Variants in RYR3 observed in about 807,000 individuals in gnomAD.
RYR3 encodes ryanodine receptor 3.
In RYR3, 207 loss-of-function variants were observed where a neutral mutation model predicts 584.3. That is an observed-to-expected ratio of 0.35 (90% CI 0.32 to 0.40). The LOEUF (loss-of-function observed/expected upper bound fraction) is 0.40, where lower values mean the gene tolerates loss of function less well. Among genes scored for constraint, RYR3 ranks in the 10% least tolerant of loss-of-function variants. RYR3 has a pLI of 1.00. For missense variants in RYR3, 5,616 were observed against 6,089.2 expected (o/e 0.92, Z 2.59); for synonymous variants, 2,416 against 2,248.5 (o/e 1.07, Z -2.11).
At chr15:33,553,246 A>G (rs547241951) in intron 10 of RYR3, among the ~76,000 whole-genome samples, 2 of 152,292 alleles carry the variant, frequency 1.3e-5, no homozygotes, top group South Asian at 4.1e-4. Flanking sequence ...GGCTTTAGTC[A>G]TGTGTTTTGG....
At position 33,652,904 on chromosome 15, in the gene RYR3, C is replaced by T. The variant is rs778741444; in HGVS notation, c.4308+21C>T. 15 of 1,594,674 alleles carry T rather than the reference C, an allele frequency of 9.4e-6. 1 individual carries two copies. In the South Asian group the frequency reaches 1.2e-4, roughly 13 times the overall value. ...ACCAGGTAAGGGCGGCTTCTGGGGCCGAAACAGGGCTATCCCAGGCCTGGT... is the reference window on the plus strand; with the variant it reads ...ACCAGGTAAGGGCGGCTTCTGGGGCTGAAACAGGGCTATCCCAGGCCTGGT... On this transcript the variant is annotated intron_variant, in intron 32 of 103. Coordinates refer to ENST00000634891, the MANE Select transcript of RYR3 (RefSeq NM_001036.6).
At chr15:33,697,181 G>A (rs533863407) in intron 39 of RYR3, among the ~76,000 whole-genome samples, 40 of 152,244 alleles carry the variant, frequency 2.6e-4, no homozygotes, top group African/African-American at 8.7e-4. Context: ...GCATACCAAA[G>A]GAGCATCACC....
At chr15:33,606,920 T>C (rs1348263877) in intron 18 of RYR3, among the ~76,000 whole-genome samples, 1 of 152,134 alleles carries the variant, frequency 6.6e-6, no homozygotes, top group Admixed American at 6.5e-5. Context: ...AAAATTGTGT[T>C]TCCTGATTTA....
intron 1 of RYR3, among the ~76,000 whole-genome samples, chr15:33,414,764 T>C (rs1020760466): frequency 4.6e-5 from 7 of 152,128 alleles, no homozygotes; most frequent in African/African-American, 1.7e-4. Flanking sequence ...GCTAATTTTT[T>C]TGTATTTTTA....
intron 39 of RYR3, among the ~76,000 whole-genome samples, chr15:33,696,930 T>A (rs1418729103): frequency 1.3e-5 from 2 of 152,152 alleles, no homozygotes; most frequent in African/African-American, 4.8e-5. Flanking sequence ...GAGATAACTT[T>A]CCCCTTAACA....
chr15:33,835,024 G>A lies in RYR3; in HGVS notation c.11520G>A (p.Val3840=), dbSNP rs373545863. 1 of 1,613,952 alleles carries A rather than the reference G, an allele frequency of 6.2e-7. No homozygotes were observed. Among genetic ancestry groups the A allele is most frequent in the Non-Finnish European group, 8.5e-7 (1 of 1,179,876 alleles). ...SLAHSRLWDA[V]VGFLHVFANM... ...CTCACAGCAGGCTGTGGGACGCAGTGGTTGGCTTCCTCCATGTCTTTGCTA... is the reference window on the plus strand; with the variant it reads ...CTCACAGCAGGCTGTGGGACGCAGTAGTTGGCTTCCTCCATGTCTTTGCTA... The change falls in exon 87 of 104, where the codon GTG becomes GTA. Residue 3840 remains valine, a synonymous_variant. Coordinates refer to ENST00000634891, the MANE Select transcript of RYR3 (RefSeq NM_001036.6).
Position 33,800,815 on chromosome 15 carries a change from C to T in RYR3, c.9876C>T (p.Phe3292=). Residue 3292 remains phenylalanine, a synonymous_variant, in exon 68 of 104, where the codon TTC becomes TTT. Transcript: ENST00000634891. Reference sequence around the variant, plus strand: ...CTGATGCTGATTCTGACCAGCTCTTCCGCATGGTGGCAGAAGTCTTCATTC... The same window carrying T: ...CTGATGCTGATTCTGACCAGCTCTTTCGCATGGTGGCAGAAGTCTTCATTC... The part of the protein sequence containing the change: ...KSPDADSDQL[F]RMVAEVFILW... 2 of 1,613,838 alleles carry T rather than the reference C, an allele frequency of 1.2e-6. No individual in the cohort carries two copies. Among genetic ancestry groups the T allele is most frequent in the African/African-American group, 1.3e-5 (1 of 75,036 alleles).
intron 67 of RYR3, among the ~76,000 whole-genome samples, chr15:33,793,964 G>T (rs2075329709): frequency 8.0e-6 from 1 of 124,636 alleles, no homozygotes; most frequent in African/African-American, 2.8e-5. Flanking sequence ...ATTTATTTAT[G>T]TAAATGTATA....
intron 27 of RYR3, among the ~76,000 whole-genome samples, chr15:33,639,118 G>C (rs2061658907): frequency 6.6e-6 from 1 of 152,188 alleles, no homozygotes; most frequent in African/African-American, 2.4e-5. Flanking sequence ...TACTATAGAG[G>C]GGAGGGACAT....
At chr15:33,470,596 A>G (rs1448416601) in intron 1 of RYR3, among the ~76,000 whole-genome samples, 2 of 152,206 alleles carry the variant, frequency 1.3e-5, no homozygotes, top group Non-Finnish European at 1.5e-5. Flanking sequence ...AAGAGAGAAA[A>G]TGGGTCTGTA....
rs2061244610 is a variant in RYR3, at chr15:33,631,151, G to T, written c.2784-59G>T. On this transcript the variant is annotated intron_variant, in intron 22 of 103. Transcript: ENST00000634891. ...GTTTTCAACTCGGATGTGAATTAGG[G>T]TTCCTGCTGTTCCTAACACTGCAGT... is the stretch of plus-strand genomic sequence containing the variant. 5 of 1,038,228 alleles carry T rather than the reference G, an allele frequency of 4.8e-6. No individual in the cohort carries two copies. The African/African-American group carries it at 8.1e-5, about 17-fold the overall frequency. 64.3% of individuals were successfully genotyped at this position (1,038,228 alleles called of 1,614,324 possible). A position where few individuals can be genotyped will look rare whatever the true frequency, so the allele number is the denominator to read the frequency against.
At position 33,831,043 on chromosome 15, in the gene RYR3, T is replaced by C. The variant is rs963892173; in HGVS notation, c.11415T>C (p.Ala3805=). 12 of 1,613,722 alleles carry C rather than the reference T, an allele frequency of 7.4e-6. No individual in the cohort carries two copies. In the Admixed American group the frequency reaches 2.0e-4, roughly 27 times the overall value. Residue 3805 remains alanine (A), a synonymous_variant, in exon 86 of 104, where the codon GCT becomes GCC. Coordinates refer to ENST00000634891, the MANE Select transcript of RYR3 (RefSeq NM_001036.6). The part of the protein sequence containing the change: ...DESGQHNFSK[A]LAVTKQIFNS... ...CTGGACAGCACAATTTTTCCAAAGC[T>C]CTGGCAGTCACCAAGCAGATTTTCA...
At chr15:33,368,158 A>G (rs1167721228) in intron 1 of RYR3, among the ~76,000 whole-genome samples, 2 of 152,152 alleles carry the variant, frequency 1.3e-5, no homozygotes, top group Admixed American at 6.6e-5. Context: ...CAATTCACAA[A>G]GGTAAATCAC....
At chr15:33,438,199 T>G (rs1324957883) in intron 1 of RYR3, among the ~76,000 whole-genome samples, 1 of 152,076 alleles carries the variant, frequency 6.6e-6, no homozygotes, top group East Asian at 1.9e-4. Flanking sequence ...TTGAAGTAAA[T>G]TATACATTAT....
chr15:33,318,617 C>A (rs1968529113), intron 1 of RYR3, among the ~76,000 whole-genome samples: 1 of 152,138 alleles, frequency 6.6e-6, no homozygotes, highest in East Asian at 1.9e-4. Context: ...GCACAGGAAT[C>A]TAGGTTCTGG....
At chr15:33,532,463 T>C (rs1196216432) in intron 4 of RYR3, among the ~76,000 whole-genome samples, 1 of 152,172 alleles carries the variant, frequency 6.6e-6, no homozygotes, top group African/African-American at 2.4e-5. Context: ...TTTTGTGTAA[T>C]TCCTTTTAGT....
chr15:33,611,973 A>G (rs904142187), intron 18 of RYR3, among the ~76,000 whole-genome samples: 11 of 152,198 alleles, frequency 7.2e-5, no homozygotes, highest in African/African-American at 2.4e-4. Context: ...ACTTTCCTGT[A>G]TAAATGGTGA....
At chr15:33,698,888 G>A (rs1296195924) in intron 40 of RYR3, among the ~76,000 whole-genome samples, 3 of 152,122 alleles carry the variant, frequency 2.0e-5, no homozygotes, top group South Asian at 2.1e-4. Context: ...TTAGGATCCC[G>A]AGCAAGGTTA....
intron 3 of RYR3, among the ~76,000 whole-genome samples, chr15:33,510,421 G>A (rs1420586522): frequency 6.6e-6 from 1 of 152,132 alleles, no homozygotes; most frequent in Admixed American, 6.5e-5. Flanking sequence ...CTGATGAGCT[G>A]TGGAAATGTT....
Sources: allele counts gnomAD v4.1 joint callset (sites outside exome capture counted in the v4.1 genomes callset), GRCh38; gene constraint gnomAD v4.1.1; transcripts MANE v1.5; gene names NCBI Gene and HGNC (gene_info 2026-07-23, HGNC 2026-07-21).